The following CHP1 variants were observed in gnomAD, a reference collection of about 807,000 sequenced individuals.
CHP1 encodes the protein calcineurin like EF-hand protein 1.
In CHP1, 11 loss-of-function variants were observed where a neutral mutation model predicts 27.4. That is an observed-to-expected ratio of 0.40 (90% CI 0.25 to 0.67). The LOEUF (loss-of-function observed/expected upper bound fraction) is 0.67. Among genes scored for constraint, CHP1 ranks in the 30% least tolerant of loss-of-function variants. The pLI is 0.38. For missense variants in CHP1, 169 were observed against 251.3 expected, an observed-to-expected ratio of 0.67 and a Z score of 2.22; for synonymous variants, 89 against 87.4, an observed-to-expected ratio of 1.02 and a Z score of -0.10.
At chr15:41,236,419 G>C (rs938112012) in intron 1 of CHP1, among the ~76,000 whole-genome samples, 5 of 151,812 alleles carry the variant, frequency 3.3e-5, no homozygotes, top group African/African-American at 1.2e-4. Context: ...ATGCCACCAC[G>C]CCTGGCTAAT....
chr15:41,257,100 T>G lies in CHP1; in HGVS notation c.221+110T>G, dbSNP rs947458449. The G allele has an allele frequency of 2.6e-5, 16 of 623,586 alleles. No individual in the cohort carries two copies. In the East Asian group the frequency reaches 5.9e-4, roughly 23 times the overall value. The allele number at this position is 623,586 out of a possible 1,614,324, so 38.6% of individuals were successfully genotyped here. ...TGCCATCTCAGACTGTGATACCCCC[T>G]GATTATATTGAGCAATTCTAATTTT... On this transcript the variant is annotated intron_variant, in intron 3 of 6. Coordinates refer to ENST00000334660, the MANE Select transcript of CHP1 (RefSeq NM_007236.5).
intron 5 of CHP1, chr15:41,272,094 G>A (rs1225665951): frequency 1.3e-5 from 2 of 152,178 alleles, no homozygotes; most frequent in Admixed American, 6.5e-5. Context: ...TCTTGATTGT[G>A]AGGATGGTGC....
rs191302887 is a variant in CHP1, at chr15:41,250,491, C to G, written c.141-6419C>G. Among the ~76,000 whole-genome samples, 214 of 151,988 alleles carry G rather than the reference C, an allele frequency of 1.4e-3. 1 individual carries two copies. Among genetic ancestry groups the G allele is most frequent in the African/African-American group, 5.0e-3 (207 of 41,482 alleles). Reference sequence around the variant, plus strand: ...CCGAGGCAGGGGAATCGCTTGAACCCGGGAGGCGGAGGTTGCAGTGAGCCA... The same window carrying G: ...CCGAGGCAGGGGAATCGCTTGAACCGGGGAGGCGGAGGTTGCAGTGAGCCA... On this transcript the variant is annotated intron_variant, in intron 2 of 6. Transcript: ENST00000334660.
chr15:41,275,722 C>A (rs2047516084), intron 5 of CHP1, among the ~76,000 whole-genome samples: 1 of 152,054 alleles, frequency 6.6e-6, no homozygotes, highest in Non-Finnish European at 1.5e-5. Flanking sequence ...TAGGCATGCA[C>A]TACCACACCT....
chr15:41,274,670 G>C (rs1350864835), intron 5 of CHP1, among the ~76,000 whole-genome samples: 1 of 151,856 alleles, frequency 6.6e-6, no homozygotes, highest in East Asian at 1.9e-4. Context: ...AAACACCTCA[G>C]AAAAATTTGG....
At chr15:41,259,120 A>G (rs1418084432) in intron 3 of CHP1, among the ~76,000 whole-genome samples, 2 of 151,838 alleles carry the variant, frequency 1.3e-5, no homozygotes, top group Non-Finnish European at 2.9e-5. Flanking sequence ...CCTTTTTTCT[A>G]ATTCCTCTTT....
intron 1 of CHP1, among the ~76,000 whole-genome samples, chr15:41,232,628 T>C (rs2047256966): frequency 6.6e-6 from 1 of 152,188 alleles, no homozygotes; most frequent in South Asian, 2.1e-4. Flanking sequence ...TAGTCCTTGA[T>C]AATGCAATGT....
chr15:41,270,487 T>C (rs878858177), intron 4 of CHP1, 70 bp from the exon 5 acceptor site: 45 of 1,135,160 alleles, frequency 4.0e-5, no homozygotes, highest in Middle Eastern at 2.0e-4. Flanking sequence ...TAGTGTCTTA[T>C]ATATTTAGTT....
chr15:41,250,911 C>G (rs8036743), intron 2 of CHP1, among the ~76,000 whole-genome samples: 4,633 of 151,746 alleles, frequency 0.031, 262 homozygotes, highest in African/African-American at 0.11. Context: ...CTCACTGCAG[C>G]CAAGTTCACC....
chr15:41,242,663 G>T (rs1166526041), intron 1 of CHP1, among the ~76,000 whole-genome samples: 1 of 151,566 alleles, frequency 6.6e-6, no homozygotes, highest in Non-Finnish European at 1.5e-5. Context: ...AGCAAAATAG[G>T]CCGGGCATGG....
intron 2 of CHP1, among the ~76,000 whole-genome samples, chr15:41,253,756 CA>C (rs1054311918): frequency 6.6e-6 from 1 of 151,572 alleles, no homozygotes; most frequent in Admixed American, 6.6e-5. Context: ...GCCCGGCTGA[CA>C]AATTATTTTT....
At chr15:41,244,196 TA>T (rs35765288) in intron 2 of CHP1, among the ~76,000 whole-genome samples, 176 of 129,032 alleles carry the variant, frequency 1.4e-3, no homozygotes, top group Admixed American at 1.9e-3. Flanking sequence ...AGACTCCATC[TA>T]AAAAAAAAAA....
chr15:41,241,255 C>G (rs551200966), intron 1 of CHP1, among the ~76,000 whole-genome samples: 8 of 152,298 alleles, frequency 5.3e-5, no homozygotes, highest in African/African-American at 1.9e-4. Flanking sequence ...ATAGACTGGT[C>G]AAGTTCTTAA....
intron 2 of CHP1, among the ~76,000 whole-genome samples, chr15:41,247,224 C>T (rs1414494300): frequency 6.6e-6 from 1 of 151,848 alleles, no homozygotes; most frequent in Non-Finnish European, 1.5e-5. Context: ...CAAAAATTAG[C>T]TGGGTGTGGT....
At chr15:41,255,598 G>A (rs1346375697) in intron 2 of CHP1, among the ~76,000 whole-genome samples, 2 of 152,104 alleles carry the variant, frequency 1.3e-5, no homozygotes, top group Non-Finnish European at 2.9e-5. Flanking sequence ...GCTTGAACCC[G>A]GGAGGAGGAG....
intron 5 of CHP1, 29 bp from the exon 6 acceptor site, chr15:41,278,738 C>T (rs1198408609): frequency 6.2e-7 from 1 of 1,613,720 alleles, no homozygotes; most frequent in East Asian, 2.2e-5. Context: ...TCCCAAGGCC[C>T]TTGTAATTCC....
chr15:41,251,886 G>T (rs1458300287), intron 2 of CHP1, among the ~76,000 whole-genome samples: 1 of 150,690 alleles, frequency 6.6e-6, no homozygotes, highest in Non-Finnish European at 1.5e-5. Context: ...GGGATTACAG[G>T]CACATGCCAC....
chr15:41,237,347 C>T (rs1274414609), intron 1 of CHP1, among the ~76,000 whole-genome samples: 2 of 151,940 alleles, frequency 1.3e-5, no homozygotes, highest in South Asian at 2.1e-4. Context: ...GAGGTTTTAC[C>T]ATGTTGGCCA....
At chr15:41,251,092 A>G (rs1022814475) in intron 2 of CHP1, among the ~76,000 whole-genome samples, 12 of 152,150 alleles carry the variant, frequency 7.9e-5, no homozygotes, top group Non-Finnish European at 1.8e-4. Flanking sequence ...TCAGCCTCCC[A>G]AAGTGCTAGG....
Sources: gnomAD v4.1 joint callset for allele counts (sites outside exome capture counted in the v4.1 genomes callset) on GRCh38, gnomAD v4.1.1 for gene constraint, MANE v1.5 for transcripts, NCBI Gene and HGNC (gene_info 2026-07-23, HGNC 2026-07-21) for gene names.